Variants in RB1CC1 observed in about 807,000 individuals in gnomAD.
RB1CC1 encodes RB1 inducible coiled-coil 1.
In RB1CC1, 46 loss-of-function variants were observed where a neutral mutation model predicts 177.5. The ratio of observed to expected loss-of-function variants is 0.26; its 90% confidence interval spans 0.20 to 0.33. The LOEUF is 0.33. Among genes scored for constraint, RB1CC1 ranks in the 10% least tolerant of loss-of-function variants. The pLI, the probability that RB1CC1 is intolerant of heterozygous loss-of-function variation, is 1.00. For synonymous variants in RB1CC1, 666 were observed against 613.6 expected (o/e 1.09, Z -1.26); for missense variants, 1,703 against 1,816.3 (o/e 0.94, Z 1.13).
chr8:52,657,962 C>A (rs1851225021), intron 14 of RB1CC1, 36 bp downstream of exon 14: 3 of 1,612,962 alleles, frequency 1.9e-6, no homozygotes, highest in Non-Finnish European at 2.5e-6. Context: ...ACATTTTACA[C>A]TAATGAAGAA....
chr8:52,680,754 T>C (rs1308340577), intron 5 of RB1CC1, among the ~76,000 whole-genome samples: 1 of 152,136 alleles, frequency 6.6e-6, no homozygotes, highest in Non-Finnish European at 1.5e-5. Context: ...ACAGCATGAA[T>C]CATTCTCAGG....
At chr8:52,634,078 C>CCA (rs1263332158) in intron 20 of RB1CC1, among the ~76,000 whole-genome samples, 1 of 152,138 alleles carries the variant, frequency 6.6e-6, no homozygotes, top group African/African-American at 2.4e-5. Context: ...GATCGCAACA[C>CCA]CACACTTCAG....
chr8:52,702,970 A>G (rs972656353), intron 1 of RB1CC1, among the ~76,000 whole-genome samples: 2 of 152,180 alleles, frequency 1.3e-5, no homozygotes, highest in African/African-American at 4.8e-5. Context: ...TCATAAGCAA[A>G]TGTACTCTTG....
At chr8:52,694,397 C>T (rs1855188752) in intron 1 of RB1CC1, among the ~76,000 whole-genome samples, 1 of 152,200 alleles carries the variant, frequency 6.6e-6, no homozygotes, top group African/African-American at 2.4e-5. Flanking sequence ...GATCCGGAGA[C>T]AGTCTCGAAC....
chr8:52,628,302 T>C, intron 21 of RB1CC1, 134 bp from the exon 22 acceptor site: 2 of 921,944 alleles, frequency 2.2e-6, no homozygotes, highest in South Asian at 1.7e-5. Flanking sequence ...ATTTACATGA[T>C]ACTCTTTTTG....
intron 22 of RB1CC1, among the ~76,000 whole-genome samples, chr8:52,626,656 A>G (rs1358424865): frequency 6.6e-6 from 1 of 152,246 alleles, no homozygotes; most frequent in Non-Finnish European, 1.5e-5. Context: ...AAAACCCCAT[A>G]AAAGACAAAA....
chr8:52,703,829 T>A (rs1056420690), intron 1 of RB1CC1, among the ~76,000 whole-genome samples: 5 of 152,188 alleles, frequency 3.3e-5, no homozygotes, highest in Admixed American at 1.3e-4. Flanking sequence ...CTAGAGACAG[T>A]AAACAGTCAA....
chr8:52,704,575 G>A (rs1321667659), intron 1 of RB1CC1, among the ~76,000 whole-genome samples: 1 of 151,558 alleles, frequency 6.6e-6, no homozygotes, highest in Admixed American at 6.6e-5. Context: ...ATAAACCAAT[G>A]ATTTCTTTTA....
chr8:52,698,116 C>G (rs1855613591), intron 1 of RB1CC1, among the ~76,000 whole-genome samples: 1 of 151,998 alleles, frequency 6.6e-6, no homozygotes, highest in South Asian at 2.1e-4. Flanking sequence ...GTCCTGTCAC[C>G]CAGGCTAGAG....
At chr8:52,664,782 C>T (rs1156823382) in intron 8 of RB1CC1, among the ~76,000 whole-genome samples, 12 of 152,090 alleles carry the variant, frequency 7.9e-5, no homozygotes, top group African/African-American at 2.7e-4. Flanking sequence ...CAACCATACT[C>T]CCAGAAAAAG....
intron 7 of RB1CC1, among the ~76,000 whole-genome samples, chr8:52,671,633 T>C (rs1852613114): frequency 6.6e-6 from 1 of 152,248 alleles, no homozygotes; most frequent in African/African-American, 2.4e-5. Context: ...ACAGATCATA[T>C]ACTTTGTAAA....
intron 15 of RB1CC1, among the ~76,000 whole-genome samples, chr8:52,653,867 G>C (rs1209473404): frequency 6.6e-6 from 1 of 152,172 alleles, no homozygotes; most frequent in Non-Finnish European, 1.5e-5. Context: ...TTGGATTTGG[G>C]ATACTCACCC....
chr8:52,635,977 ATAT>A (rs1371507683), intron 19 of RB1CC1, 35 bp downstream of exon 19: 1 of 1,598,098 alleles, frequency 6.3e-7, no homozygotes, highest in Non-Finnish European at 8.5e-7. Context: ...AAAAGTGAAC[ATAT>A]TAAACATGGT....
chr8:52,635,920 C>A, intron 19 of RB1CC1, 95 bp downstream of exon 19: 5 of 1,427,328 alleles, frequency 3.5e-6, no homozygotes, highest in African/African-American at 1.5e-5. Flanking sequence ...AATTTATAAA[C>A]ACAAATAGTC....
chr8:52,672,738 C>T (rs896095840), intron 7 of RB1CC1, among the ~76,000 whole-genome samples: 5 of 152,148 alleles, frequency 3.3e-5, no homozygotes, highest in African/African-American at 9.6e-5. Flanking sequence ...GAGTGAGACC[C>T]TAACTCAAAA....
intron 18 of RB1CC1, among the ~76,000 whole-genome samples, chr8:52,636,386 C>T (rs1340751800): frequency 1.3e-5 from 2 of 152,036 alleles, no homozygotes; most frequent in East Asian, 1.9e-4. Flanking sequence ...ATGATAAAGT[C>T]GTAGTTCTTG....
intron 16 of RB1CC1, 69 bp downstream of exon 16, chr8:52,645,633 G>A: frequency 6.8e-7 from 1 of 1,478,850 alleles, no homozygotes; most frequent in East Asian, 2.3e-5. Flanking sequence ...GCTACATAAA[G>A]AAATTATATT....
Position 52,673,971 on chromosome 8 carries a change from A to T in RB1CC1, c.876T>A (p.Thr292=). ...CQSTVHQQDE[T]TIDTKDGDLP... ...GATCACCATCTTTAGTGTCAATCGT[A>T]GTTTCATCTTGCTGATGAACAGTAC... Residue 292 remains threonine, a synonymous_variant, in exon 7 of 24, where the codon ACT becomes ACA. Coordinates refer to ENST00000025008, the MANE Select transcript of RB1CC1 (RefSeq NM_014781.5). The T allele has an allele frequency of 6.2e-7, 1 of 1,614,182 alleles. No individual in the cohort carries two copies. Among genetic ancestry groups the T allele is most frequent in the Non-Finnish European group, 8.5e-7 (1 of 1,180,020 alleles).
chr8:52,644,434 A>G (rs926921345), intron 16 of RB1CC1, among the ~76,000 whole-genome samples: 1 of 152,196 alleles, frequency 6.6e-6, no homozygotes, highest in Non-Finnish European at 1.5e-5. Context: ...ATGTGCTTAT[A>G]AGAGAACACA....
Sources: gnomAD v4.1 joint callset for allele counts (sites outside exome capture counted in the v4.1 genomes callset) on GRCh38, gnomAD v4.1.1 for gene constraint, MANE v1.5 for transcripts, NCBI Gene and HGNC (gene_info 2026-07-23, HGNC 2026-07-21) for gene names.